Variants in REPS2 observed in about 807,000 individuals in gnomAD.
REPS2 encodes the protein ralBP1-associated Eps domain-containing protein 2.
Under a neutral mutation model 53.6 loss-of-function variants are expected in REPS2, and 23 were observed. The ratio of observed to expected loss-of-function variants is 0.43; its 90% CI spans 0.31 to 0.61. REPS2 has a LOEUF of 0.61. REPS2 is among the 20% of genes least tolerant of loss of function. The pLI is 0.11. For missense variants in REPS2, 446 were observed against 534.9 expected (o/e 0.83, Z 1.64); for synonymous variants, 238 against 218.6 (o/e 1.09, Z -0.78).
At chrX:17,115,529 T>C (rs1009713956) in intron 14 of REPS2, among the ~76,000 whole-genome samples, 1 of 111,340 alleles carries the variant, frequency 9.0e-6, no homozygotes. Flanking sequence ...GCCTTCCTCT[T>C]ATACTAATCC....
intron 1 of REPS2, among the ~76,000 whole-genome samples, chrX:16,961,899 A>G (rs1169261965): frequency 8.9e-6 from 1 of 112,247 alleles, no homozygotes; most frequent in Non-Finnish European, 1.9e-5. Flanking sequence ...GGTACTCAGT[A>G]TCACTAATCA....
At chrX:17,175,249 T>C in the REPS2 span, among the ~76,000 whole-genome samples, 36 of 112,091 alleles carry the variant, frequency 3.2e-4, no homozygotes, top group African/African-American at 1.1e-3. Context: ...AATGGAAAAC[T>C]CTTATTTCAG....
the REPS2 span, among the ~76,000 whole-genome samples, chrX:17,159,614 C>CTGT: frequency 4.5e-5 from 5 of 111,734 alleles, no homozygotes; most frequent in Non-Finnish European, 9.4e-5. Context: ...CTCACTCCAT[C>CTGT]ATCTATACGT....
intron 5 of REPS2, among the ~76,000 whole-genome samples, chrX:17,042,419 A>G (rs765749435): frequency 3.1e-4 from 35 of 111,744 alleles, no homozygotes; most frequent in African/African-American, 1.0e-3. Flanking sequence ...ATCTTTGAGA[A>G]GATTGTTGTG....
intron 1 of REPS2, among the ~76,000 whole-genome samples, chrX:16,984,056 T>G (rs1015412085): frequency 8.9e-6 from 1 of 112,849 alleles, no homozygotes; most frequent in African/African-American, 3.2e-5. Context: ...CCTCAAAACT[T>G]AGCACTTTAA....
intron 6 of REPS2, among the ~76,000 whole-genome samples, chrX:17,050,121 T>C (rs1298525630): frequency 1.5e-5 from 1 of 68,816 alleles, no homozygotes; most frequent in East Asian, 1.3e-3. Flanking sequence ...CTATGTTTCT[T>C]CTTTCTTTCT....
At chrX:17,001,537 A>G (rs777956966) in intron 1 of REPS2, among the ~76,000 whole-genome samples, 6 of 112,453 alleles carry the variant, frequency 5.3e-5, no homozygotes, top group South Asian at 3.7e-4. Context: ...ATTGTTCTAG[A>G]TTAGGGGGAG....
intron 14 of REPS2, among the ~76,000 whole-genome samples, chrX:17,121,998 C>T: frequency 8.9e-6 from 1 of 111,842 alleles, no homozygotes; most frequent in East Asian, 2.8e-4. Flanking sequence ...GATCTGCCCA[C>T]CTCGGCCTCC....
chrX:16,983,213 A>G (rs2061042072), intron 1 of REPS2, among the ~76,000 whole-genome samples: 1 of 112,371 alleles, frequency 8.9e-6, no homozygotes, highest in African/African-American at 3.2e-5. Context: ...TATATAAAAT[A>G]CAGCACACAG....
intron 2 of REPS2, among the ~76,000 whole-genome samples, chrX:17,011,057 CTGTGTGTGTGTGTGTGTGTGTGTG>C (rs60541913): frequency 5.0e-4 from 51 of 101,995 alleles, no homozygotes; most frequent in Non-Finnish European, 5.4e-4. Context: ...TTTGCTTAAA[CTGTGTGTGTGTGTGTGTGTGTGTG>C]TGTGTGTGTG....
chrX:17,052,482 C>A, intron 7 of REPS2, 37 bp downstream of exon 7: 1 of 1,034,225 alleles, frequency 9.7e-7, no homozygotes, highest in Non-Finnish European at 1.3e-6. Context: ...TTCATACCAT[C>A]ATCCATAACT....
chrX:16,986,910 A>G (rs1319457981), intron 1 of REPS2, among the ~76,000 whole-genome samples: 1 of 96,364 alleles, frequency 1.0e-5, no homozygotes, highest in Non-Finnish European at 2.1e-5. Flanking sequence ...ACCCTTATAG[A>G]TTTTTTTTTT....
intron 5 of REPS2, among the ~76,000 whole-genome samples, chrX:17,032,564 T>A (rs1218838622): frequency 3.6e-5 from 4 of 111,879 alleles, no homozygotes; most frequent in Non-Finnish European, 7.5e-5. Flanking sequence ...TTCTTGGTGA[T>A]AAGGGATTAA....
chrX:17,050,399 G>C (rs1294136557), intron 6 of REPS2, among the ~76,000 whole-genome samples: 3 of 105,515 alleles, frequency 2.8e-5, no homozygotes, highest in Non-Finnish European at 5.8e-5. Flanking sequence ...TGTTGCCCAG[G>C]CTGTTTTCTA....
intron 17 of REPS2, among the ~76,000 whole-genome samples, chrX:17,146,173 T>G (rs928140981): frequency 1.8e-5 from 2 of 110,057 alleles, no homozygotes; most frequent in African/African-American, 6.6e-5. Context: ...TCCATACTAT[T>G]TCCTCTGCCC....
chrX:16,985,925 G>C (rs1380625113), intron 1 of REPS2, among the ~76,000 whole-genome samples: 1 of 111,673 alleles, frequency 9.0e-6, no homozygotes, highest in African/African-American at 3.3e-5. Flanking sequence ...GGAAGCTGGA[G>C]GTTTTTGTAA....
chrX:17,141,410 A>C (rs183730651), intron 17 of REPS2, among the ~76,000 whole-genome samples: 53 of 112,295 alleles, frequency 4.7e-4, no homozygotes, highest in African/African-American at 1.6e-3. Context: ...CATTGGGTGA[A>C]TATGTTACAG....
rs1055852359 is a variant in REPS2, at chrX:17,009,786, C to A, written c.397+3442C>A. Among the ~76,000 whole-genome samples, 3 of 111,027 alleles carry A rather than the reference C, an allele frequency of 2.7e-5. No individual in the cohort carries two copies. In the East Asian group the frequency reaches 8.5e-4, roughly 31 times the overall value. ...GATTATTCCATCCTCATCCTTTAAACCCTCCAGTAGTCTGCTTGTTGTACT... is the reference window on the plus strand; with the variant it reads ...GATTATTCCATCCTCATCCTTTAAAACCTCCAGTAGTCTGCTTGTTGTACT... On this transcript the variant is annotated intron_variant, in intron 2 of 17. Transcript: ENST00000357277.
intron 14 of REPS2, among the ~76,000 whole-genome samples, chrX:17,122,215 G>T (rs182115256): frequency 9.0e-6 from 1 of 111,325 alleles, no homozygotes; most frequent in African/African-American, 3.3e-5. Flanking sequence ...TTTTCCAGTC[G>T]CTATCTCTTA....
Sources: gnomAD v4.1 joint callset for allele counts (sites outside exome capture counted in the v4.1 genomes callset) on GRCh38, gnomAD v4.1.1 for gene constraint, MANE v1.5 for transcripts, NCBI Gene and HGNC (gene_info 2026-07-23, HGNC 2026-07-21) for gene names.